PTPDC1: variants seen among roughly 807,000 people sequenced by gnomAD.
PTPDC1 encodes protein tyrosine phosphatase domain-containing protein 1.
PTPDC1 carries 53 observed loss-of-function variants against 75.3 expected under a neutral mutation model. That is an observed-to-expected ratio of 0.70 (90% CI 0.56 to 0.88). The LOEUF is 0.88. Ranked by LOEUF, PTPDC1 falls within the 40% of genes least tolerant of loss-of-function variation. The pLI is 0.00. For missense variants in PTPDC1, 925 were observed against 998.6 expected, an observed-to-expected ratio of 0.93 and a Z score of 0.99; for synonymous variants, 349 against 366.2, an observed-to-expected ratio of 0.95 and a Z score of 0.54.
At chr9:94,088,318 T>C (rs1827150271) in intron 4 of PTPDC1, 55 bp downstream of exon 4, 7 of 1,578,544 alleles carry the variant, frequency 4.4e-6, no homozygotes, top group Non-Finnish European at 6.0e-6. Flanking sequence ...CTCAGAGGCT[T>C]TTCTCTGCTG....
chr9:94,064,294 C>T (rs1177546517), intron 1 of PTPDC1, among the ~76,000 whole-genome samples: 1 of 152,114 alleles, frequency 6.6e-6, no homozygotes, highest in South Asian at 2.1e-4. Context: ...GACTTCTACC[C>T]CTTTAAAATA....
At chr9:94,094,923 G>T (rs78905805) in intron 4 of PTPDC1, among the ~76,000 whole-genome samples, 1 of 152,208 alleles carries the variant, frequency 6.6e-6, no homozygotes, top group South Asian at 2.1e-4. Context: ...GCAGTGCCTC[G>T]CCCTGCTTCG....
At chr9:94,060,198 G>A (rs573403696) in intron 1 of PTPDC1, among the ~76,000 whole-genome samples, 2 of 152,324 alleles carry the variant, frequency 1.3e-5, no homozygotes, top group Admixed American at 1.3e-4. Flanking sequence ...AAGAAAGGGT[G>A]TATTGTTCTG....
At chr9:94,106,321 C>T (rs150275726) in intron 8 of PTPDC1, among the ~76,000 whole-genome samples, 2 of 152,276 alleles carry the variant, frequency 1.3e-5, no homozygotes, top group East Asian at 1.9e-4. Context: ...AGAGCTCTGC[C>T]TGGAGAGCAG....
intron 1 of PTPDC1, among the ~76,000 whole-genome samples, chr9:94,041,552 A>G (rs1269521038): frequency 6.6e-6 from 1 of 152,206 alleles, no homozygotes; most frequent in Non-Finnish European, 1.5e-5. Flanking sequence ...AAATTTGTAA[A>G]GATGTAGATA....
Position 94,098,528 on chromosome 9 carries a change from A to C in PTPDC1, c.1962A>C (p.Leu654Phe). 6.2e-7 allele frequency: 1 copy of C among 1,614,230 alleles called. No homozygotes were observed. Among genetic ancestry groups the C allele is most frequent in the South Asian group, 1.1e-5 (1 of 91,088 alleles). ...TGGCGGCCAAAGCCCTAGCAAATTT[A>C]AATGAATCTGTAGAAAAGGAGGAAC... ...RILAAKALAN[L>F]NESVEKEELK... The change falls in exon 6 of 9, where the codon TTA becomes TTC. Residue 654 changes from leucine to phenylalanine, a missense_variant. Physicochemically the swap from Leu to Phe is conservative, Grantham distance 22. Coordinates refer to ENST00000620992, the MANE Select transcript of PTPDC1 (RefSeq NM_001253829.2).
chr9:94,048,485 G>T (rs1158168112), intron 1 of PTPDC1, among the ~76,000 whole-genome samples: 1 of 152,136 alleles, frequency 6.6e-6, no homozygotes, highest in African/African-American at 2.4e-5. Context: ...TCAGGAGTAG[G>T]TTGTTCAGTT....
At chr9:94,053,584 CATG>C (rs1435326563) in intron 1 of PTPDC1, among the ~76,000 whole-genome samples, 2 of 152,112 alleles carry the variant, frequency 1.3e-5, no homozygotes, top group East Asian at 3.9e-4. Flanking sequence ...CTCAACCCTA[CATG>C]ATGAGGGATG....
intron 6 of PTPDC1, among the ~76,000 whole-genome samples, chr9:94,099,284 G>A (rs1483590276): frequency 1.3e-5 from 2 of 152,118 alleles, no homozygotes; most frequent in African/African-American, 4.8e-5. Flanking sequence ...CCCTGAATGA[G>A]CACCTGTTCT....
chr9:94,036,596 T>G (rs1825277693), intron 1 of PTPDC1, among the ~76,000 whole-genome samples: 2 of 152,236 alleles, frequency 1.3e-5, no homozygotes, highest in Admixed American at 1.3e-4. Flanking sequence ...AACCCGTAAC[T>G]TTTTGAGTGA....
At position 94,097,374 on chromosome 9, in the gene PTPDC1, G is replaced by A. The variant is rs1229225026; in HGVS notation, c.808G>A (p.Ala270Thr). 6.2e-7 allele frequency: 1 copy of A among 1,613,598 alleles called. No individual in the cohort carries two copies. The highest frequency in any genetic ancestry group is 2.2e-5 in the East Asian group (1 of 44,880). Reference sequence around the variant, plus strand: ...TGCAACGAGAATGACTGCTGACCAAGCAATTATATTTGTGCGGGCAAAGCG... The same window carrying A: ...TGCAACGAGAATGACTGCTGACCAAACAATTATATTTGTGCGGGCAAAGCG... ...VFATRMTADQ[A>T]IIFVRAKRPN... Residue 270 changes from alanine (A) to threonine (T), a missense_variant, in exon 6 of 9, where the codon GCA (alanine) becomes ACA (threonine). Ala to Thr is a moderately conservative substitution (Grantham distance 58). Transcript: ENST00000620992.
intron 4 of PTPDC1, among the ~76,000 whole-genome samples, chr9:94,091,814 G>A (rs980923097): frequency 6.6e-5 from 10 of 152,144 alleles, no homozygotes; most frequent in Non-Finnish European, 1.5e-4. Context: ...AGTCTTGGGA[G>A]AGTTTATGTG....
At chr9:94,032,126 G>T (rs951161090) in intron 1 of PTPDC1, among the ~76,000 whole-genome samples, 1 of 152,132 alleles carries the variant, frequency 6.6e-6, no homozygotes, top group Non-Finnish European at 1.5e-5. Context: ...GGAAGAACTG[G>T]GATTTAAATC....
chr9:94,033,011 G>A (rs1233525941), intron 1 of PTPDC1, among the ~76,000 whole-genome samples: 2 of 152,082 alleles, frequency 1.3e-5, no homozygotes, highest in East Asian at 3.9e-4. Context: ...ACTGCTGTGT[G>A]CCACCACGCC....
intron 1 of PTPDC1, among the ~76,000 whole-genome samples, chr9:94,058,786 C>T (rs762441859): frequency 2.0e-5 from 3 of 151,990 alleles, no homozygotes; most frequent in African/African-American, 2.4e-5. Context: ...GTCAGGAGTT[C>T]GAGACCAGCC....
chr9:94,061,477 A>G (rs1038641309), intron 1 of PTPDC1, among the ~76,000 whole-genome samples: 1 of 152,278 alleles, frequency 6.6e-6, no homozygotes, highest in African/African-American at 2.4e-5. Context: ...CCAACCCCAC[A>G]TTTCCCCTCT....
At chr9:94,042,511 T>G (rs1469565390) in intron 1 of PTPDC1, among the ~76,000 whole-genome samples, 1 of 152,086 alleles carries the variant, frequency 6.6e-6, no homozygotes, top group Non-Finnish European at 1.5e-5. Context: ...TAGCATTAGG[T>G]CTAAAAAAAA....
At chr9:94,094,528 T>C (rs944178385) in intron 4 of PTPDC1, among the ~76,000 whole-genome samples, 1 of 152,130 alleles carries the variant, frequency 6.6e-6, no homozygotes, top group Non-Finnish European at 1.5e-5. Flanking sequence ...TGCTGTCTTT[T>C]TGTTTGTCTG....
At chr9:94,077,555 C>G (rs953674451) in intron 2 of PTPDC1, among the ~76,000 whole-genome samples, 3 of 152,098 alleles carry the variant, frequency 2.0e-5, no homozygotes, top group Non-Finnish European at 4.4e-5. Flanking sequence ...AAGGCTGTTA[C>G]AAAGGATGGA....
Sources: gnomAD v4.1 joint callset for allele counts (sites outside exome capture counted in the v4.1 genomes callset) on GRCh38, gnomAD v4.1.1 for gene constraint, MANE v1.5 for transcripts, NCBI Gene and HGNC (gene_info 2026-07-23, HGNC 2026-07-21) for gene names.